The following GRHL1 variants were observed in gnomAD, a reference collection of about 807,000 sequenced individuals.
GRHL1 encodes the protein grainyhead-like protein 1 homolog.
In GRHL1, 38 loss-of-function variants were observed where a neutral mutation model predicts 75.7. The ratio of observed to expected loss-of-function variants is 0.50; its 90% CI spans 0.39 to 0.66. The LOEUF is 0.66. Among genes scored for constraint, GRHL1 ranks in the 30% least tolerant of loss-of-function variants. GRHL1 has a pLI of 0.00. For synonymous variants in GRHL1, 266 were observed against 279.4 expected (o/e 0.95, Z 0.48); for missense variants, 589 against 767.5 (o/e 0.77, Z 2.75).
intron 8 of GRHL1, among the ~76,000 whole-genome samples, chr2:9,973,862 G>A (rs1390356171): frequency 2.6e-5 from 4 of 152,154 alleles, no homozygotes; most frequent in East Asian, 1.9e-4. Flanking sequence ...GTCCACGACC[G>A]CTGCTACTGT....
chr2:9,988,074 T>C (rs1198847192), intron 9 of GRHL1, among the ~76,000 whole-genome samples: 1 of 152,128 alleles, frequency 6.6e-6, no homozygotes, highest in African/African-American at 2.4e-5. Flanking sequence ...ATTTTTTGGA[T>C]GATGTTTACT....
chr2:9,985,102 T>C (rs1257483195), intron 8 of GRHL1, among the ~76,000 whole-genome samples: 1 of 150,746 alleles, frequency 6.6e-6, no homozygotes, highest in African/African-American at 2.4e-5. Context: ...TGGGAAGTGG[T>C]GGCTTGGGCA....
chr2:9,991,856 G>A (rs975862912), intron 10 of GRHL1, 151 bp from the exon 11 acceptor site: 8 of 516,924 alleles, frequency 1.5e-5, no homozygotes, highest in East Asian at 6.3e-5. Flanking sequence ...CATAAACTGG[G>A]ATTCTTAGGC....
intron 8 of GRHL1, among the ~76,000 whole-genome samples, chr2:9,966,704 A>G (rs558788867): frequency 6.6e-6 from 1 of 152,126 alleles, no homozygotes; most frequent in South Asian, 2.1e-4. Flanking sequence ...GGGTCTTGAG[A>G]GCCATGTTCT....
intron 8 of GRHL1, among the ~76,000 whole-genome samples, chr2:9,978,197 T>C (rs1460739503): frequency 6.6e-6 from 1 of 152,198 alleles, no homozygotes; most frequent in Admixed American, 6.5e-5. Context: ...ATATCATCTG[T>C]CCTCACAGGG....
chr2:9,969,354 C>T (rs1667617837), intron 8 of GRHL1, among the ~76,000 whole-genome samples: 1 of 152,212 alleles, frequency 6.6e-6, no homozygotes, highest in Admixed American at 6.5e-5. Context: ...GCACCCAGTA[C>T]TCCATGCTAT....
At chr2:9,985,922 G>C (rs1173632106) in intron 8 of GRHL1, among the ~76,000 whole-genome samples, 1 of 152,086 alleles carries the variant, frequency 6.6e-6, no homozygotes, top group Admixed American at 6.6e-5. Flanking sequence ...TCCTCTTTAA[G>C]GTCTGCTATT....
rs1246207751 is a variant in GRHL1 at position 9,996,346 on chromosome 2, A to T, written c.1622A>T (p.Glu541Val). ...CTCTACGTTCGAAAGGAGTCAGAAG[A>T]AGTCTTTGATGCCCTGATGCTCAAA... ...VLLYVRKESEEVFDALMLKTP... is the reference protein window; with the variant it reads ...VLLYVRKESEVVFDALMLKTP... The change falls in exon 14 of 16, where the codon GAA becomes GTA. Residue 541 changes from glutamate (E) to valine (V), a missense_variant. Coordinates refer to ENST00000324907, the MANE Select transcript of GRHL1 (RefSeq NM_198182.3). 13 of 1,613,232 alleles carry T rather than the reference A, an allele frequency of 8.1e-6. No homozygotes were observed. Among genetic ancestry groups the T allele is most frequent in the East Asian group, 2.2e-5 (1 of 44,884 alleles).
At chr2:9,971,299 A>C (rs1401861811) in intron 8 of GRHL1, among the ~76,000 whole-genome samples, 1 of 152,128 alleles carries the variant, frequency 6.6e-6, no homozygotes, top group East Asian at 1.9e-4. Flanking sequence ...TTGTTTCACA[A>C]CTTTAAATTT....
chr2:9,991,952 CTG>C, intron 10 of GRHL1, 53 bp from the exon 11 acceptor site: 2 of 1,408,408 alleles, frequency 1.4e-6, no homozygotes, highest in Non-Finnish European at 1.9e-6. Context: ...TGCATCCAGT[CTG>C]TATGTAATCC....
intron 7 of GRHL1, 195 bp downstream of exon 7, chr2:9,964,541 C>G: frequency 2.0e-6 from 1 of 508,460 alleles, no homozygotes; most frequent in South Asian, 2.9e-5. Flanking sequence ...AGTAATGGGA[C>G]ATGTGCCCAC....
rs1428546406 is a variant in GRHL1 at position 9,990,665 on chromosome 2, G to T, written c.1270-31G>T. 2 of 1,415,826 alleles carry T rather than the reference G, an allele frequency of 1.4e-6. No individual in the cohort carries two copies. The highest frequency in any genetic ancestry group is 4.6e-5 in the East Asian group (2 of 43,514). 87.7% of individuals were successfully genotyped at this position (1,415,826 alleles called of 1,614,324 possible). A position where few individuals can be genotyped will look rare whatever the true frequency, so the allele number is the denominator to read the frequency against. On this transcript the variant is annotated intron_variant, in intron 9 of 15. Coordinates refer to ENST00000324907, the MANE Select transcript of GRHL1 (RefSeq NM_198182.3). The surrounding 1 kb of genome is among the most constrained non-coding windows in gnomAD (Gnocchi z 4.2). ...ATATTTTAAAGAAGATTGGAAAACA[G>T]AATCATATCTTGTCTTCTCTTAACC...
intron 8 of GRHL1, among the ~76,000 whole-genome samples, chr2:9,969,889 C>A (rs902621511): frequency 7.0e-6 from 1 of 142,774 alleles, no homozygotes; most frequent in African/African-American, 2.7e-5. Flanking sequence ...TTCGCCCAGG[C>A]TGGACTGCAG....
At chr2:9,969,493 C>T (rs1246812914) in intron 8 of GRHL1, among the ~76,000 whole-genome samples, 1 of 152,148 alleles carries the variant, frequency 6.6e-6, no homozygotes, top group Non-Finnish European at 1.5e-5. Context: ...ATTAATAGAG[C>T]AACATTATGG....
chr2:9,958,396 T>G (rs1667128295), intron 2 of GRHL1, among the ~76,000 whole-genome samples: 1 of 151,974 alleles, frequency 6.6e-6, no homozygotes, highest in Non-Finnish European at 1.5e-5. Context: ...CCCAGGCTGG[T>G]CTTGAACTCC....
At chr2:9,955,841 C>G (rs1666997836) in intron 2 of GRHL1, among the ~76,000 whole-genome samples, 2 of 152,264 alleles carry the variant, frequency 1.3e-5, no homozygotes, top group African/African-American at 4.8e-5. Context: ...CGCTCTCCTT[C>G]TGGATTCACC....
chr2:9,951,928 G>A lies in GRHL1; in HGVS notation c.20+75G>A. The stretch of plus-strand genomic sequence containing the variant: ...GCCGCACCTGCAGCGAGCGAGCCGG[G>A]CGCAGACCCGAGGCCGCGCGGGCGG... On this transcript the variant is annotated intron_variant, in intron 1 of 15. Coordinates refer to ENST00000324907, the MANE Select transcript of GRHL1 (RefSeq NM_198182.3). The surrounding 1 kb of genome is among the most constrained non-coding windows in gnomAD (Gnocchi z 4.2). 3.0e-6 allele frequency: 3 copies of A among 1,013,096 alleles called. No individual in the cohort carries two copies. Among genetic ancestry groups the A allele is most frequent in the Non-Finnish European group, 3.7e-6 (3 of 820,926 alleles). The allele number at this position is 1,013,096 out of a possible 1,614,324, so 62.8% of individuals were successfully genotyped here. A position where few individuals can be genotyped will look rare whatever the true frequency, so the allele number is the denominator to read the frequency against.
chr2:9,979,693 T>C (rs1037210549), intron 8 of GRHL1, among the ~76,000 whole-genome samples: 16 of 152,230 alleles, frequency 1.1e-4, no homozygotes, highest in African/African-American at 3.9e-4. Flanking sequence ...ATTATTTTCT[T>C]ATAGGTGAAT....
chr2:9,998,592 A>ATACGTATATATACATATGTATATATGTG (rs1669033473), intron 14 of GRHL1, among the ~76,000 whole-genome samples: 1 of 45,988 alleles, frequency 2.2e-5, no homozygotes, highest in Non-Finnish European at 3.9e-5. Context: ...GTACATATAT[A>ATACGTATATATACATATGTATATATGTG]TGTACACATA....
Sources: gnomAD v4.1 joint callset for allele counts (sites outside exome capture counted in the v4.1 genomes callset) on GRCh38, gnomAD v4.1.1 for gene constraint, Gnocchi (gnomAD v3.1) non-coding constraint, MANE v1.5 for transcripts, NCBI Gene and HGNC (gene_info 2026-07-23, HGNC 2026-07-21) for gene names.